BCL11B: variants seen among roughly 807,000 people sequenced by gnomAD.
The protein encoded by BCL11B is B-cell lymphoma/leukemia 11B.
A neutral mutation model predicts 49.9 loss-of-function variants in BCL11B; 8 were observed. That is an observed-to-expected ratio of 0.16 (90% CI 0.09 to 0.29). The LOEUF is 0.29. Ranked by LOEUF, BCL11B falls within the 10% of genes least tolerant of loss-of-function variation. The probability of loss-of-function intolerance (pLI) is 1.00; values close to 1 mark genes in which losing one functional copy is unlikely to be tolerated. For missense variants in BCL11B, 1,006 were observed against 1,351.0 expected (o/e 0.74, Z 4.00); for synonymous variants, 739 against 637.4 (o/e 1.16, Z -2.40).
chr14:99,219,325 C>G (rs1271459917), intron 3 of BCL11B, among the ~76,000 whole-genome samples: 2 of 152,224 alleles, frequency 1.3e-5, no homozygotes, highest in Non-Finnish European at 2.9e-5. Context: ...TGAGCCACCG[C>G]ACCCGACCAC....
rs372881820 is a variant in BCL11B at position 99,231,460 on chromosome 14, G to A, written c.525C>T (p.Gly175=). 76 of 1,598,406 alleles carry A rather than the reference G, an allele frequency of 4.8e-5. No individual in the cohort carries two copies. Among genetic ancestry groups the A allele is most frequent in the Admixed American group, 6.9e-5 (4 of 58,302 alleles). The change falls in exon 3 of 4, where the codon GGC becomes GGT. Residue 175 remains glycine, a synonymous_variant. Coordinates refer to ENST00000357195, the MANE Select transcript of BCL11B (RefSeq NM_138576.4). The surrounding 1 kb of genome is among the most constrained non-coding windows in gnomAD (Gnocchi z 8.1). The stretch of plus-strand genomic sequence containing the variant: ...GCAGGGGGAGGCAGGGCGGGAGAGC[G>A]CCCAGGGCACGCAGAGGTGAAGTGA... ...SVITSPLRAL[G]ALPPCLPLPC...
chr14:99,175,831 C>A lies in BCL11B; in HGVS notation c.1005G>T (p.Met335Ile). 1 of 1,476,792 alleles carries A rather than the reference C, an allele frequency of 6.8e-7. No homozygotes were observed. The highest frequency in any genetic ancestry group is 8.9e-7 in the Non-Finnish European group (1 of 1,120,094). 91.5% of individuals were successfully genotyped at this position (1,476,792 alleles called of 1,614,324 possible). ...CACTGGGGTGCTGGGCGACGAGCCC[C>A]ATCTCCTCGGCACTGAGGCGGTGCG... ...LDPHRLSAEE[M>I]GLVAQHPSAF... is the part of the protein sequence containing the mutation. Residue 335 changes from methionine to isoleucine, a missense_variant, in exon 4 of 4, where the codon ATG becomes ATT. Physicochemically the swap from Met to Ile is conservative, Grantham distance 10 (BLOSUM62 1). Transcript: ENST00000357195.
chr14:99,259,243 C>T (rs1360528814), intron 1 of BCL11B, among the ~76,000 whole-genome samples: 3 of 151,954 alleles, frequency 2.0e-5, no homozygotes, highest in South Asian at 2.1e-4. Context: ...AGAGGAACGG[C>T]GAGAAGGAAT....
In BCL11B at chr14:99,231,407, C is replaced by A. The variant is rs934300665; in HGVS notation, c.578G>T (p.Gly193Val). Residue 193 changes from glycine (G) to valine (V), a missense_variant, in exon 3 of 4, where the codon GGT becomes GTT. Coordinates refer to ENST00000357195, the MANE Select transcript of BCL11B (RefSeq NM_138576.4). This position sits in a 1 kb window ranked among gnomAD's most constrained non-coding sequence, Gnocchi z 8.1. ...LPCCSARPVS[G>V]DGTQGEGQTE... ...CTGACCCTCACCCTGAGTCCCGTCA[C>A]CCGAGACCGGGCGCGCGCTGCAGCA... 4 of 1,598,586 alleles carry A rather than the reference C, an allele frequency of 2.5e-6. No individual in the cohort carries two copies. In the East Asian group the frequency reaches 9.0e-5, roughly 36 times the overall value.
In BCL11B at chr14:99,231,409, C is replaced by A; in HGVS notation, c.576G>T (p.Ser192=). Residue 192 remains serine, a synonymous_variant, in exon 3 of 4, where the codon TCG becomes TCT. Transcript: ENST00000357195. The surrounding 1 kb of genome is among the most constrained non-coding windows in gnomAD (Gnocchi z 8.1). ...GACCCTCACCCTGAGTCCCGTCACC[C>A]GAGACCGGGCGCGCGCTGCAGCACG... ...PLPCCSARPV[S]GDGTQGEGQT... 1.3e-6 allele frequency: 2 copies of A among 1,597,440 alleles called. No individual in the cohort carries two copies. The highest frequency in any genetic ancestry group is 1.7e-6 in the Non-Finnish European group (2 of 1,171,774).
At chr14:99,235,747 C>T (rs1486344499) in intron 2 of BCL11B, among the ~76,000 whole-genome samples, 2 of 151,670 alleles carry the variant, frequency 1.3e-5, no homozygotes, top group East Asian at 1.9e-4. Flanking sequence ...GACGCTACAG[C>T]GGTGGCAGCA....
Position 99,231,516 on chromosome 14 carries a change from C to T in BCL11B, c.469G>A (p.Ala157Thr), listed in dbSNP as rs1444761438. The change falls in exon 3 of 4, where the codon GCT becomes ACT. Residue 157 changes from alanine (A) to threonine (T), a missense_variant. Around this residue, in one of 6 missense-constraint regions of BCL11B, gnomAD observed 411 missense variants for 542.2 expected, o/e 0.76. Coordinates refer to ENST00000357195, the MANE Select transcript of BCL11B (RefSeq NM_138576.4). This position sits in a 1 kb window ranked among gnomAD's most constrained non-coding sequence, Gnocchi z 8.1. The stretch of plus-strand genomic sequence containing the variant: ...GATGAGTGAGGGTGGGAGGAGGCAG[C>T]TATGGGGGCCACCGCTGGCAGCTGG... ...PAQLPAVAPI[A>T]ASSHPHSSVI... 1 of 1,596,344 alleles carries T rather than the reference C, an allele frequency of 6.3e-7. No homozygotes were observed. Among genetic ancestry groups the T allele is most frequent in the Non-Finnish European group, 8.5e-7 (1 of 1,171,754 alleles).
chr14:99,185,123 G>A (rs977619460), intron 3 of BCL11B, among the ~76,000 whole-genome samples: 2 of 152,162 alleles, frequency 1.3e-5, no homozygotes, highest in African/African-American at 2.4e-5. Flanking sequence ...TGAGTACCTG[G>A]GGAGGAGGCA....
intron 3 of BCL11B, among the ~76,000 whole-genome samples, chr14:99,223,724 G>T (rs566844319): frequency 6.6e-6 from 1 of 152,126 alleles, no homozygotes. Flanking sequence ...CAATAATCAC[G>T]TGGATTCCAA....
intron 3 of BCL11B, among the ~76,000 whole-genome samples, chr14:99,199,148 G>T (rs1887268832): frequency 6.6e-6 from 1 of 152,182 alleles, no homozygotes; most frequent in African/African-American, 2.4e-5. Context: ...TTTCCTCCCT[G>T]ATCCACGTCC....
Position 99,267,275 on chromosome 14 carries a change from AAAAAG to A in BCL11B, c.58+3881_58+3885del, listed in dbSNP as rs373193217. On this transcript the variant is annotated intron_variant, in intron 1 of 3. Coordinates refer to ENST00000357195, the MANE Select transcript of BCL11B (RefSeq NM_138576.4). ...GCAGATAGCAACCTCCCCATCAAAA[AAAAAG>A]AAAAGAAAAGAAAAGAAAAGAAATA... 1.7e-3 allele frequency among the ~76,000 whole-genome samples: 260 copies of A among 152,250 alleles called. 1 individual carries two copies. The highest frequency in any genetic ancestry group is 5.2e-3 in the African/African-American group (214 of 41,506).
At chr14:99,186,484 C>A (rs1886856708) in intron 3 of BCL11B, among the ~76,000 whole-genome samples, 1 of 152,200 alleles carries the variant, frequency 6.6e-6, no homozygotes, top group Non-Finnish European at 1.5e-5. Flanking sequence ...CGCACCACTG[C>A]ACTCCAGCCT....
At position 99,174,268 on chromosome 14, in the gene BCL11B, G is replaced by A. The variant is rs780196352; in HGVS notation, c.2568C>T (p.Cys856=). ...CGCTGAAGGGCATCTGGCAGATGTC[G>A]CAGCGGTACACCTCCTTGCCGATCT... The part of the protein sequence containing the change: ...HGQIGKEVYR[C]DICQMPFSVY... Residue 856 remains cysteine (C), a synonymous_variant, in exon 4 of 4, where the codon TGC becomes TGT. Transcript: ENST00000357195. 2 of 1,613,748 alleles carry A rather than the reference G, an allele frequency of 1.2e-6. No homozygotes were observed. Among genetic ancestry groups the A allele is most frequent in the South Asian group, 1.1e-5 (1 of 91,088 alleles).
chr14:99,248,109 C>A lies in BCL11B; in HGVS notation c.427+9362G>T, dbSNP rs1888900254. 6.6e-6 allele frequency among the ~76,000 whole-genome samples: 1 copy of A among 152,088 alleles called. No homozygotes were observed. Among genetic ancestry groups the A allele is most frequent in the Non-Finnish European group, 1.5e-5 (1 of 68,008 alleles). ...CCCAGTTTCCCAGCTGTCTGAGCAG[C>A]GAGGGGCAGATGCTTTCCCAGACCT... On this transcript the variant is annotated intron_variant, in intron 2 of 3. Transcript: ENST00000357195. The surrounding 1 kb of genome is among the most constrained non-coding windows in gnomAD (Gnocchi z 4.7).
chr14:99,208,026 G>T (rs1024296605), intron 3 of BCL11B, among the ~76,000 whole-genome samples: 1 of 152,224 alleles, frequency 6.6e-6, no homozygotes, highest in African/African-American at 2.4e-5. Context: ...CACAGAGCGG[G>T]TGCTTTGTAA....
At chr14:99,181,292 A>G (rs565115096) in intron 3 of BCL11B, among the ~76,000 whole-genome samples, 74 of 152,380 alleles carry the variant, frequency 4.9e-4, no homozygotes, top group Middle Eastern at 3.4e-3. Context: ...ACAGGTTGCA[A>G]AACATTTTAC....
chr14:99,208,997 G>A (rs1195667464), intron 3 of BCL11B, among the ~76,000 whole-genome samples: 2 of 152,230 alleles, frequency 1.3e-5, no homozygotes, highest in Non-Finnish European at 2.9e-5. Flanking sequence ...CTCCCGGGAA[G>A]CAGAGCACAG....
At chr14:99,217,395 C>CACAT (rs756838224) in intron 3 of BCL11B, among the ~76,000 whole-genome samples, 1 of 150,622 alleles carries the variant, frequency 6.6e-6, no homozygotes, top group Non-Finnish European at 1.5e-5. Flanking sequence ...GACACACACA[C>CACAT]ACACACACAC....
intron 3 of BCL11B, among the ~76,000 whole-genome samples, chr14:99,193,757 G>A (rs938123859): frequency 3.3e-5 from 5 of 152,144 alleles, no homozygotes; most frequent in Non-Finnish European, 7.3e-5. Flanking sequence ...CCATGAAGAG[G>A]GTTTGATAGC....
Sources: allele counts gnomAD v4.1 joint callset (sites outside exome capture counted in the v4.1 genomes callset), GRCh38; gene constraint gnomAD v4.1.1; regional missense constraint gnomAD v4.1.1; non-coding constraint Gnocchi (gnomAD v3.1); transcripts MANE v1.5; gene names NCBI Gene and HGNC (gene_info 2026-07-23, HGNC 2026-07-21).